The following TMEM255A variants were observed in gnomAD, a reference collection of about 807,000 sequenced individuals.
TMEM255A encodes the protein transmembrane protein 255A.
Under a neutral mutation model 23.5 loss-of-function variants are expected in TMEM255A, and 14 were observed. The observed-to-expected ratio is 0.60, with a 90% CI of 0.39 to 0.93. The LOEUF (loss-of-function observed/expected upper bound fraction) is 0.93, where lower values mean the gene tolerates loss of function less well. TMEM255A is among the 40% of genes least tolerant of loss of function. The pLI, the probability that TMEM255A is intolerant of heterozygous loss-of-function variation, is 0.00. For synonymous variants in TMEM255A, 104 were observed against 100.3 expected (o/e 1.04, Z -0.22); for missense variants, 233 against 261.7 (o/e 0.89, Z 0.76).
In TMEM255A at chrX:120,260,895, T is replaced by C. The variant is rs1556016494; in HGVS notation, c.953A>G (p.Glu318Gly). ...TTAGGGACTGTAAGGTGGTGGCTTT[T>C]CAAAAGGTGGATAGTAGGGTGGAGA... The part of the protein sequence containing the change: ...RYSPPYYPPF[E>G]KPPPYSP Residue 318 changes from glutamate (E) to glycine (G), a missense_variant, in exon 9 of 9, where the codon GAA becomes GGA. Transcript: ENST00000371369. 8.3e-7 allele frequency: 1 copy of C among 1,204,953 alleles called. No individual in the cohort carries two copies. The highest frequency in any genetic ancestry group is 1.7e-5 in the African/African-American group (1 of 57,144).
intron 8 of TMEM255A, among the ~76,000 whole-genome samples, chrX:120,267,099 T>C (rs146896517): frequency 2.8e-4 from 31 of 112,233 alleles, no homozygotes; most frequent in African/African-American, 1.0e-3. Context: ...GGATACCTTT[T>C]TGAACTAGTA....
intron 5 of TMEM255A, among the ~76,000 whole-genome samples, 168 bp from the exon 6 acceptor site, chrX:120,285,383 G>T (rs2057866797): frequency 9.0e-6 from 1 of 111,642 alleles, no homozygotes; most frequent in Admixed American, 9.5e-5. Context: ...CCGAACTTGT[G>T]CATGAGGCAA....
intron 1 of TMEM255A, among the ~76,000 whole-genome samples, chrX:120,308,085 CCCT>C (rs782789698): frequency 7.1e-5 from 8 of 112,119 alleles, no homozygotes; most frequent in Non-Finnish European, 9.4e-5. Context: ...CTCAAAATTC[CCCT>C]CCTCCAAAAA....
chrX:120,300,255 G>C (rs781892113), intron 2 of TMEM255A, among the ~76,000 whole-genome samples: 18 of 111,791 alleles, frequency 1.6e-4, no homozygotes, highest in African/African-American at 5.9e-4. Flanking sequence ...TGAAGCTCTT[G>C]GGTTTTTAGG....
intron 7 of TMEM255A, among the ~76,000 whole-genome samples, chrX:120,270,353 A>G (rs782673380): frequency 2.8e-5 from 3 of 108,883 alleles, no homozygotes; most frequent in Admixed American, 9.9e-5. Context: ...ACGTTGTGAG[A>G]CGCCCGCCCT....
At chrX:120,268,421 C>G (rs1556018017) in intron 7 of TMEM255A, 34 bp from the exon 8 acceptor site, 4 of 1,105,616 alleles carry the variant, frequency 3.6e-6, no homozygotes, top group Non-Finnish European at 3.7e-6. Context: ...ACAACATAAA[C>G]AGTCATCACT....
intron 1 of TMEM255A, among the ~76,000 whole-genome samples, chrX:120,306,346 T>C (rs1556027070): frequency 8.9e-6 from 1 of 111,923 alleles, no homozygotes; most frequent in African/African-American, 3.3e-5. Flanking sequence ...ACCTGAAGTT[T>C]AGTTATCCTT....
chrX:120,293,868 G>A (rs1249010858), intron 3 of TMEM255A, 121 bp downstream of exon 3: 2 of 484,326 alleles, frequency 4.1e-6, no homozygotes, highest in Non-Finnish European at 3.5e-6. Context: ...TAGGAGAAAC[G>A]GCAAAGTAGC....
chrX:120,296,448 C>CTATTCT (rs2057957050), intron 2 of TMEM255A, among the ~76,000 whole-genome samples: 1 of 55,226 alleles, frequency 1.8e-5, no homozygotes, highest in Non-Finnish European at 3.2e-5. Context: ...CACTCCAATG[C>CTATTCT]ATTCAGTTTT....
intron 1 of TMEM255A, among the ~76,000 whole-genome samples, chrX:120,307,044 C>T (rs781794502): frequency 1.3e-4 from 15 of 112,143 alleles, no homozygotes; most frequent in African/African-American, 4.5e-4. Context: ...CACGAGCGTC[C>T]TTCCCTGTCA....
downstream of TMEM255A, chrX:120,255,510 G>A: frequency 1.2e-6 from 1 of 838,235 alleles, no homozygotes; most frequent in Non-Finnish European, 1.7e-6. Flanking sequence ...AACAAATTAA[G>A]GTGCGAACAA....
rs782379760 is a variant in TMEM255A, at chrX:120,259,305, G to A, written c.*1565C>T. The A allele has an allele frequency of 7.1e-5, 8 of 112,457 alleles. No homozygotes were observed. The highest frequency in any genetic ancestry group is 2.3e-4 in the African/African-American group (7 of 30,943). The allele number at this position is 112,457 out of a possible 1,213,427, so 9.3% of individuals were successfully genotyped here. On this transcript the variant is annotated 3_prime_UTR_variant, in exon 9 of 9. Transcript: ENST00000371369. Reference sequence around the variant, plus strand: ...TAACATAAAAGGATTATAGTTTTTCGGATTCAAAATCTGGATAAGAACATT... The same window carrying A: ...TAACATAAAAGGATTATAGTTTTTCAGATTCAAAATCTGGATAAGAACATT...
intron 6 of TMEM255A, among the ~76,000 whole-genome samples, chrX:120,281,774 C>T (rs1487665303): frequency 1.8e-5 from 2 of 112,629 alleles, no homozygotes; most frequent in Non-Finnish European, 3.7e-5. Flanking sequence ...GTGATATTGA[C>T]TTGACCTTTC....
chrX:120,260,777 A>G lies in TMEM255A; in HGVS notation c.*93T>C. 1 of 1,101,540 alleles carries G rather than the reference A, an allele frequency of 9.1e-7. No individual in the cohort carries two copies. The highest frequency in any genetic ancestry group is 2.1e-5 in the South Asian group (1 of 46,768). 90.8% of individuals were successfully genotyped at this position (1,101,540 alleles called of 1,213,427 possible). ...AGGCCATTGTAAAACTTTATGCATA[A>G]GAGTCACACTTTAAATTTTGTACCC... is the stretch of plus-strand genomic sequence containing the variant. On this transcript the variant is annotated 3_prime_UTR_variant, in exon 9 of 9. Coordinates refer to ENST00000371369, the MANE Select transcript of TMEM255A (RefSeq NM_001104544.3).
At chrX:120,280,724 G>A (rs1448494082) in intron 6 of TMEM255A, among the ~76,000 whole-genome samples, 1 of 111,344 alleles carries the variant, frequency 9.0e-6, no homozygotes, top group African/African-American at 3.3e-5. Context: ...CTTCAGGGGA[G>A]TGTTCAAATT....
intron 1 of TMEM255A, among the ~76,000 whole-genome samples, chrX:120,305,847 G>A (rs891939534): frequency 1.8e-5 from 2 of 111,225 alleles, no homozygotes; most frequent in Non-Finnish European, 3.8e-5. Context: ...AGTATCACCC[G>A]GGCTTAACCC....
At chrX:120,300,865 C>CCT (rs2147217357) in intron 2 of TMEM255A, among the ~76,000 whole-genome samples, 1 of 108,602 alleles carries the variant, frequency 9.2e-6, no homozygotes, top group South Asian at 4.1e-4. Context: ...GAGGCGTGCA[C>CCT]CACCATACTT....
downstream of TMEM255A, chrX:120,258,507 C>G (rs369683070): frequency 8.7e-6 from 1 of 114,325 alleles, no homozygotes; most frequent in Non-Finnish European, 1.9e-5. Context: ...GATGACAGCA[C>G]GGCAAAATTT....
downstream of TMEM255A, chrX:120,254,244 A>G (rs782382957): frequency 1.7e-6 from 2 of 1,211,406 alleles, no homozygotes; most frequent in Non-Finnish European, 2.2e-6. Context: ...AACACATCTG[A>G]CTCCCAATAT....
Sources: allele counts gnomAD v4.1 joint callset (sites outside exome capture counted in the v4.1 genomes callset), GRCh38; gene constraint gnomAD v4.1.1; transcripts MANE v1.5; gene names NCBI Gene and HGNC (gene_info 2026-07-23, HGNC 2026-07-21).